LUC7L: variants seen among roughly 807,000 people sequenced by gnomAD.
The protein encoded by LUC7L is putative RNA-binding protein Luc7-like 1.
LUC7L carries 29 observed loss-of-function variants against 51.1 expected under a neutral mutation model. The ratio of observed to expected loss-of-function variants is 0.57; its 90% confidence interval spans 0.42 to 0.77. LUC7L has a LOEUF of 0.77. Ranked by LOEUF, LUC7L falls within the 30% of genes least tolerant of loss-of-function variation. The pLI is 0.00. For missense variants in LUC7L, 403 were observed against 511.9 expected, an observed-to-expected ratio of 0.79 and a Z score of 2.05; for synonymous variants, 181 against 180.7, an observed-to-expected ratio of 1.00 and a Z score of -0.01.
At chr16:224,108 A>G (rs187561332) in intron 2 of LUC7L, among the ~76,000 whole-genome samples, 20 of 152,334 alleles carry the variant, frequency 1.3e-4, no homozygotes, top group Admixed American at 9.2e-4. Context: ...TTTGTTGTTC[A>G]AAGAAAAAGC....
In LUC7L at chr16:190,192, C is replaced by T. The variant is rs545968877; in HGVS notation, c.807-57G>A. The stretch of plus-strand genomic sequence containing the variant: ...TCTATAGGTGCCAACACTATGAGGG[C>T]CCCACCCCTCAGCAGATTCTGCTTG... On this transcript the variant is annotated intron_variant, in intron 8 of 9. Coordinates refer to ENST00000293872, the MANE Select transcript of LUC7L (RefSeq NM_201412.3). 2,939 of 1,438,560 alleles carry T rather than the reference C, an allele frequency of 2.0e-3. 33 individuals are homozygous for T. In the Middle Eastern group the frequency reaches 0.034, roughly 17 times the overall value. 89.1% of individuals were successfully genotyped at this position (1,438,560 alleles called of 1,614,324 possible).
At chr16:208,004 A>T in intron 4 of LUC7L, 74 bp downstream of exon 4, 3 of 1,026,260 alleles carry the variant, frequency 2.9e-6, no homozygotes, top group Non-Finnish European at 4.4e-6. Flanking sequence ...GGGAGACTCC[A>T]TCTCAAAAAA....
rs775326619 is a variant in LUC7L, at chr16:190,068, G to A, written c.874C>T (p.Arg292Trp). 4 of 1,613,614 alleles carry A rather than the reference G, an allele frequency of 2.5e-6. No individual in the cohort carries two copies. The highest frequency in any genetic ancestry group is 2.5e-6 in the Non-Finnish European group (3 of 1,180,026). The change falls in exon 9 of 10, where the codon CGG (arginine) becomes TGG (tryptophan). Residue 292 changes from arginine (R) to tryptophan (W), a missense_variant. By Grantham distance (101) the Arg-to-Trp change is moderately radical (BLOSUM62 -3). Around this residue, in one of 3 missense-constraint regions of LUC7L, gnomAD observed 206 missense variants for 218.3 expected, o/e 0.94. Coordinates refer to ENST00000293872, the MANE Select transcript of LUC7L (RefSeq NM_201412.3). Reference protein sequence around the residue: ...STSRERRKLSRSRSRDRHRRH... With the variant: ...STSRERRKLSWSRSRDRHRRH... ...CGATGTCTATCTCGGGACCGGGACC[G>A]GGACAATTTCCGTCGCTCTCGGGAG...
At chr16:189,760 C>T in intron 9 of LUC7L, 1 of 1,403,684 alleles carries the variant, frequency 7.1e-7, no homozygotes, top group South Asian at 1.7e-5. Flanking sequence ...GGGGACAGTG[C>T]CTGTGCAGCC....
chr16:228,837 G>T, intron 1 of LUC7L: 1 of 1,294,384 alleles, frequency 7.7e-7, no homozygotes. Flanking sequence ...TACAGAACCA[G>T]AGCGGGCCAG....
At chr16:200,063 CA>C (rs1201846426) in intron 5 of LUC7L, among the ~76,000 whole-genome samples, 1 of 151,582 alleles carries the variant, frequency 6.6e-6, no homozygotes, top group African/African-American at 2.4e-5. Context: ...CCAAGGCAGA[CA>C]GATCACTTGA....
At chr16:217,296 T>C (rs2049830416) in intron 3 of LUC7L, among the ~76,000 whole-genome samples, 2 of 152,050 alleles carry the variant, frequency 1.3e-5, no homozygotes, top group African/African-American at 4.8e-5. Flanking sequence ...GAATTACAGC[T>C]GTAAGCCACT....
intron 1 of LUC7L, 33 bp downstream of exon 1, chr16:229,246 C>G (rs2050212068): frequency 6.5e-7 from 1 of 1,528,268 alleles, no homozygotes; most frequent in African/African-American, 1.4e-5. Flanking sequence ...ACTCCCACCC[C>G]AGACCCTCGC....
At chr16:207,480 A>G (rs1043065171) in intron 4 of LUC7L, among the ~76,000 whole-genome samples, 2 of 152,196 alleles carry the variant, frequency 1.3e-5, no homozygotes, top group African/African-American at 4.8e-5. Context: ...TTGGTGTCCC[A>G]AAGTGCTGGG....
intron 3 of LUC7L, among the ~76,000 whole-genome samples, chr16:218,643 C>T (rs1266497474): frequency 2.0e-5 from 3 of 151,906 alleles, no homozygotes; most frequent in Non-Finnish European, 4.4e-5. Context: ...ATTGCTTAAA[C>T]CCAGGAGGCG....
chr16:215,727 G>A (rs528824355), intron 3 of LUC7L, among the ~76,000 whole-genome samples: 56 of 151,902 alleles, frequency 3.7e-4, no homozygotes, highest in Admixed American at 6.6e-4. Context: ...TGCTTGAACC[G>A]GGAAGGCAGA....
chr16:189,441 T>G, intron 9 of LUC7L, 102 bp from the exon 10 acceptor site: 2 of 1,457,720 alleles, frequency 1.4e-6, no homozygotes, highest in Non-Finnish European at 1.8e-6. Flanking sequence ...GGCAAGGCCC[T>G]ACATCCCCTA....
At chr16:211,828 T>C (rs556441406) in intron 3 of LUC7L, among the ~76,000 whole-genome samples, 1 of 152,334 alleles carries the variant, frequency 6.6e-6, no homozygotes, top group Admixed American at 6.5e-5. Flanking sequence ...CTGAGGAGGC[T>C]GTCCCTCCAC....
intron 2 of LUC7L, among the ~76,000 whole-genome samples, chr16:226,386 C>T (rs998510153): frequency 2.6e-5 from 4 of 152,102 alleles, no homozygotes; most frequent in African/African-American, 9.7e-5. Context: ...CTCTCAGTGG[C>T]GTAATCACCA....
intron 3 of LUC7L, among the ~76,000 whole-genome samples, chr16:214,448 T>C (rs2049731249): frequency 6.6e-6 from 1 of 152,240 alleles, no homozygotes; most frequent in African/African-American, 2.4e-5. Flanking sequence ...TATAATTTAT[T>C]CACTCATTTC....
intron 3 of LUC7L, among the ~76,000 whole-genome samples, chr16:210,489 C>G (rs1330020313): frequency 6.6e-6 from 1 of 152,160 alleles, no homozygotes; most frequent in Admixed American, 6.6e-5. Context: ...ACAAGGGTCA[C>G]TGTGCCTTCT....
intron 5 of LUC7L, among the ~76,000 whole-genome samples, chr16:204,747 T>G (rs1021341280): frequency 5.3e-5 from 8 of 152,150 alleles, no homozygotes; most frequent in Non-Finnish European, 1.2e-4. Context: ...CAGACCTCAA[T>G]CTAATGTATA....
intron 7 of LUC7L, among the ~76,000 whole-genome samples, chr16:192,078 A>G (rs1020199508): frequency 6.6e-6 from 1 of 151,836 alleles, no homozygotes; most frequent in African/African-American, 2.4e-5. Flanking sequence ...CCAATACACC[A>G]CACCCAGCCT....
At chr16:210,280 T>C (rs2049603441) in intron 3 of LUC7L, among the ~76,000 whole-genome samples, 1 of 152,068 alleles carries the variant, frequency 6.6e-6, no homozygotes, top group African/African-American at 2.4e-5. Context: ...AGAGCGAGAC[T>C]CCCTCTCAAA....
Sources: gnomAD v4.1 joint callset for allele counts (sites outside exome capture counted in the v4.1 genomes callset) on GRCh38, gnomAD v4.1.1 for gene constraint, gnomAD v4.1.1 regional missense constraint, MANE v1.5 for transcripts, NCBI Gene and HGNC (gene_info 2026-07-23, HGNC 2026-07-21) for gene names.